Variants in B4GALNT2 observed in about 807,000 individuals in gnomAD.
B4GALNT2 encodes N-acetylneuraminylgalactosylglucosyl-glucoside beta-1,4-N- acetylgalactosaminyltransferase 2.
B4GALNT2 carries 42 observed loss-of-function variants against 51.1 expected under a neutral mutation model. The ratio of observed to expected loss-of-function variants is 0.82; its 90% confidence interval spans 0.64 to 1.06. The LOEUF is 1.06. Among genes scored for constraint, B4GALNT2 ranks in the 50% least tolerant of loss-of-function variants. The pLI is 0.00. For synonymous variants in B4GALNT2, 253 were observed against 251.7 expected (o/e 1.01, Z -0.05); for missense variants, 602 against 633.6 (o/e 0.95, Z 0.54).
At chr17:49,156,514 G>A (rs2042811966) in intron 4 of B4GALNT2, 52 bp from the exon 5 acceptor site, 3 of 1,600,044 alleles carry the variant, frequency 1.9e-6, no homozygotes, top group Admixed American at 1.7e-5. Flanking sequence ...GCAGCGGGGA[G>A]CTGCGATGTC....
At chr17:49,143,634 C>T (rs537505001) in intron 3 of B4GALNT2, among the ~76,000 whole-genome samples, 1 of 152,282 alleles carries the variant, frequency 6.6e-6, no homozygotes, top group East Asian at 1.9e-4. Flanking sequence ...TGTCTTAGTC[C>T]GTTTTCTGTT....
chr17:49,158,889 C>T, intron 5 of B4GALNT2, 148 bp from the exon 6 acceptor site: 1 of 856,524 alleles, frequency 1.2e-6, no homozygotes, highest in South Asian at 2.0e-5. Flanking sequence ...CCTGCAGAGC[C>T]AGCCCTACAC....
At chr17:49,168,265 A>AAGACAGCTCGAGAC (rs1318132650) in intron 9 of B4GALNT2, among the ~76,000 whole-genome samples, 1 of 152,146 alleles carries the variant, frequency 6.6e-6, no homozygotes, top group Non-Finnish European at 1.5e-5. Flanking sequence ...AAATACTAGG[A>AAGACAGCTCGAGAC]AGACAGCTCG....
chr17:49,145,342 A>AT (rs1457328473), intron 3 of B4GALNT2, among the ~76,000 whole-genome samples: 9 of 152,230 alleles, frequency 5.9e-5, no homozygotes, highest in African/African-American at 2.2e-4. Flanking sequence ...AAAGTTAACA[A>AT]TACTTAGATG....
At chr17:49,132,738 G>A (rs2042550520), upstream of B4GALNT2, 1 of 1,384,406 alleles carries the variant, frequency 7.2e-7, no homozygotes, top group Non-Finnish European at 9.4e-7. Flanking sequence ...GGCAGTCGGC[G>A]GCCTGGCTGC....
intron 7 of B4GALNT2, among the ~76,000 whole-genome samples, 190 bp downstream of exon 7, chr17:49,160,831 CTTA>C (rs1362055664): frequency 6.6e-6 from 1 of 151,988 alleles, no homozygotes; most frequent in African/African-American, 2.4e-5. Flanking sequence ...TTATATTTAA[CTTA>C]TTATGTGGTT....
At chr17:49,151,063 G>T (rs904873642) in intron 3 of B4GALNT2, among the ~76,000 whole-genome samples, 5 of 151,486 alleles carry the variant, frequency 3.3e-5, no homozygotes, top group Admixed American at 2.0e-4. Context: ...TTCAACCATT[G>T]TACCGTAGTT....
rs569118771 is a variant in B4GALNT2 at position 49,142,606 on chromosome 17, CA to C, written c.353+435del. ...ACTCAGTAGGCTGAAGTGAGAGGAT[CA>C]CTTGAGCCCAGGAAGTTGAAGCTGC... On this transcript the variant is annotated intron_variant, in intron 3 of 10. Coordinates refer to ENST00000393354, the MANE Select transcript of B4GALNT2 (RefSeq NM_001159387.2). Among the ~76,000 whole-genome samples the C allele has an allele frequency of 1.1e-4, 16 of 152,114 alleles. No homozygotes were observed. In the East Asian group the frequency reaches 2.9e-3, roughly 28 times the overall value.
intron 8 of B4GALNT2, among the ~76,000 whole-genome samples, chr17:49,165,361 A>C (rs1478964609): frequency 8.7e-4 from 66 of 75,718 alleles, no homozygotes; most frequent in Admixed American, 2.0e-3. Flanking sequence ...TCTCTCCCCT[A>C]CCTTTCTTCC....
intron 10 of B4GALNT2, 132 bp from the exon 11 acceptor site, chr17:49,169,391 T>A: frequency 1.3e-6 from 1 of 791,856 alleles, no homozygotes; most frequent in Non-Finnish European, 2.1e-6. Context: ...AGGGTGTGGC[T>A]TCACGTGGGG....
intron 8 of B4GALNT2, among the ~76,000 whole-genome samples, chr17:49,165,737 C>T (rs913583061): frequency 7.9e-5 from 12 of 151,334 alleles, no homozygotes; most frequent in African/African-American, 2.7e-4. Flanking sequence ...AAGGAGGAAA[C>T]GAATATTATA....
chr17:49,135,010 C>T (rs1379884421), intron 1 of B4GALNT2, among the ~76,000 whole-genome samples: 1 of 152,108 alleles, frequency 6.6e-6, no homozygotes, highest in Non-Finnish European at 1.5e-5. Flanking sequence ...TGTTCAGGAC[C>T]GTGAGCCAAA....
chr17:49,132,735 G>A (rs144045739), upstream of B4GALNT2: 622 of 1,383,410 alleles, frequency 4.5e-4, 4 homozygotes, highest in Middle Eastern at 0.011. Context: ...CGGGGCAGTC[G>A]GCGGCCTGGC....
the B4GALNT2 span, among the ~76,000 whole-genome samples, chr17:49,123,211 G>A: frequency 2.0e-5 from 3 of 152,176 alleles, no homozygotes; most frequent in Non-Finnish European, 4.4e-5. Flanking sequence ...CTCACTAGAC[G>A]TGGGGGCAAA....
At chr17:49,155,928 C>T (rs1199921235) in intron 4 of B4GALNT2, among the ~76,000 whole-genome samples, 3 of 151,916 alleles carry the variant, frequency 2.0e-5, no homozygotes, top group Admixed American at 6.6e-5. Flanking sequence ...GAGGTTTCAC[C>T]GTGTTAGCCA....
At position 49,172,310 on chromosome 17, in the gene B4GALNT2, T is replaced by G. The variant is rs967645719; in HGVS notation, c.*2582T>G. The G allele has an allele frequency of 1.8e-5, 3 of 170,576 alleles. No homozygotes were observed. The highest frequency in any genetic ancestry group is 3.8e-5 in the Non-Finnish European group (3 of 79,568). 10.6% of individuals were successfully genotyped at this position (170,576 alleles called of 1,614,324 possible). On this transcript the variant is annotated 3_prime_UTR_variant, in exon 11 of 11. Transcript: ENST00000393354. ...CGTGGCAAGGTTTCAGGTGTCTTGA[T>G]GGCACCCAAATTGGCTATTGATTCG...
intron 3 of B4GALNT2, chr17:49,148,646 G>A (rs1251336074): frequency 1.4e-5 from 8 of 557,470 alleles, no homozygotes; most frequent in Non-Finnish European, 1.3e-5. Context: ...CAAAGCCTCC[G>A]GACTTGAGAG....
At chr17:49,136,430 G>A (rs545995467) in intron 1 of B4GALNT2, among the ~76,000 whole-genome samples, 74 of 151,802 alleles carry the variant, frequency 4.9e-4, no homozygotes, top group African/African-American at 1.5e-3. Context: ...TTTTAAGGGC[G>A]CAGATTTTAT....
chr17:49,147,601 C>T (rs190986950), intron 3 of B4GALNT2, among the ~76,000 whole-genome samples: 1,533 of 151,936 alleles, frequency 0.01, 92 homozygotes, highest in Admixed American at 0.095. Context: ...GTCTCAAACT[C>T]CTGAGCTCAA....
Sources: gnomAD v4.1 joint callset for allele counts (sites outside exome capture counted in the v4.1 genomes callset) on GRCh38, gnomAD v4.1.1 for gene constraint, MANE v1.5 for transcripts, NCBI Gene and HGNC (gene_info 2026-07-23, HGNC 2026-07-21) for gene names.